The following TBATA variants were observed in gnomAD, a reference collection of about 807,000 sequenced individuals.
The protein encoded by TBATA is thymus, brain and testes associated.
A neutral mutation model predicts 38.7 loss-of-function variants in TBATA; 47 were observed. The ratio of observed to expected loss-of-function variants is 1.21; its 90% CI spans 0.96 to 1.55. The LOEUF (loss-of-function observed/expected upper bound fraction) is 1.55, where lower values mean the gene tolerates loss of function less well. Among genes scored for constraint, TBATA ranks in the 40% most tolerant of loss-of-function variants. TBATA has a pLI of 0.00. For synonymous variants in TBATA, 183 were observed against 170.5 expected, an observed-to-expected ratio of 1.07 and a Z score of -0.57; for missense variants, 436 against 435.6, an observed-to-expected ratio of 1.00 and a Z score of -0.01.
intron 4 of TBATA, among the ~76,000 whole-genome samples, chr10:70,780,515 C>A (rs1844064040): frequency 6.6e-6 from 1 of 152,046 alleles, no homozygotes; most frequent in South Asian, 2.1e-4. Flanking sequence ...GTTTTTCTCT[C>A]CGGTAGCTAC....
intron 10 of TBATA, 30 bp downstream of exon 10, chr10:70,772,484 C>T (rs753054240): frequency 6.2e-7 from 1 of 1,612,102 alleles, no homozygotes; most frequent in African/African-American, 1.3e-5. Context: ...TTGGTGAGTC[C>T]CCCAAATGAC....
At chr10:70,778,471 G>T in intron 6 of TBATA, 86 bp downstream of exon 6, 2 of 1,353,472 alleles carry the variant, frequency 1.5e-6, no homozygotes, top group East Asian at 2.3e-5. Flanking sequence ...CCTCTGGTAG[G>T]CTGAACTGAC....
intron 2 of TBATA, among the ~76,000 whole-genome samples, chr10:70,784,027 A>G (rs1276615691): frequency 1.3e-5 from 2 of 152,238 alleles, no homozygotes; most frequent in African/African-American, 4.8e-5. Context: ...TTGTTTAAAA[A>G]CATATTATTT....
At chr10:70,773,693 T>A (rs1161412474) in intron 9 of TBATA, among the ~76,000 whole-genome samples, 1 of 152,108 alleles carries the variant, frequency 6.6e-6, no homozygotes, top group Non-Finnish European at 1.5e-5. Flanking sequence ...CCTCAGTGGG[T>A]TGTTGGATGG....
chr10:70,773,723 C>T (rs979473932), intron 9 of TBATA, among the ~76,000 whole-genome samples: 16 of 152,210 alleles, frequency 1.1e-4, no homozygotes, highest in African/African-American at 3.6e-4. Flanking sequence ...ACGTGGAACA[C>T]CCAGCGGTGT....
In TBATA at chr10:70,777,229, T is replaced by C. The variant is rs1843521534; in HGVS notation, c.617A>G (p.His206Arg). 1.2e-6 allele frequency: 2 copies of C among 1,613,422 alleles called. No individual in the cohort carries two copies. Among genetic ancestry groups the C allele is most frequent in the Non-Finnish European group, 1.7e-6 (2 of 1,179,866 alleles). Residue 206 changes from histidine (H) to arginine (R), a missense_variant, in exon 7 of 11, where the codon CAC (histidine) becomes CGC (arginine). His to Arg is a conservative substitution (Grantham distance 29). Transcript: ENST00000456372. ...GGAAGACTGACTCTGCTGGCCCTGGTGAGATCTGCGGCGGCCGACAGCCCG... is the reference window on the plus strand; with the variant it reads ...GGAAGACTGACTCTGCTGGCCCTGGCGAGATCTGCGGCGGCCGACAGCCCG... ...STRAVGRRRS[H>R]QGQQSQSSSR...
At chr10:70,777,633 G>T (rs1843593492) in intron 6 of TBATA, 2 of 469,758 alleles carry the variant, frequency 4.3e-6, no homozygotes, top group Admixed American at 6.8e-5. Flanking sequence ...ACTCAGTAAT[G>T]CAGGGTCGAT....
rs746871965 is a variant in TBATA at position 70,778,487 on chromosome 10, A to C, written c.507+70T>G. The C allele has an allele frequency of 6.8e-6, 10 of 1,468,098 alleles. No individual in the cohort carries two copies. In the East Asian group the frequency reaches 2.0e-4, roughly 30 times the overall value. 90.9% of individuals were successfully genotyped at this position (1,468,098 alleles called of 1,614,324 possible). ...CTCTGGTAGGCTGAACTGACTCGGG[A>C]GGGATCTCCTTACACAGGGAAGGAT... On this transcript the variant is annotated intron_variant, in intron 6 of 10. Transcript: ENST00000456372.
At chr10:70,782,561 A>G in intron 3 of TBATA, 1 of 985,452 alleles carries the variant, frequency 1.0e-6, no homozygotes, top group Non-Finnish European at 1.2e-6. Context: ...GCCAGACCAG[A>G]CCAGCAAGTT....
chr10:70,781,679 C>A, intron 4 of TBATA, 122 bp downstream of exon 4: 1 of 973,044 alleles, frequency 1.0e-6, no homozygotes, highest in Non-Finnish European at 1.5e-6. Flanking sequence ...GCCCTGGGAT[C>A]CTGGACCCCA....
At chr10:70,780,213 G>T (rs999085738) in intron 4 of TBATA, among the ~76,000 whole-genome samples, 1 of 152,142 alleles carries the variant, frequency 6.6e-6, no homozygotes, top group Non-Finnish European at 1.5e-5. Flanking sequence ...CTTCTGCTTT[G>T]GTCAGCCTGT....
At position 70,771,297 on chromosome 10, in the gene TBATA, G is replaced by A; in HGVS notation, c.*79C>T. 6.2e-7 allele frequency: 1 copy of A among 1,613,302 alleles called. No homozygotes were observed. Among genetic ancestry groups the A allele is most frequent in the Non-Finnish European group, 8.5e-7 (1 of 1,179,446 alleles). ...TCACGGTAGGGAATCAGGTACTGCT[G>A]TGAAGGTGGTGGAGACAGAAACACC... On this transcript the variant is annotated 3_prime_UTR_variant, in exon 11 of 11. Coordinates refer to ENST00000456372, the MANE Select transcript of TBATA (RefSeq NM_001318241.2).
Position 70,783,406 on chromosome 10 carries a change from C to T in TBATA, c.-27G>A. 1 of 1,613,734 alleles carries T rather than the reference C, an allele frequency of 6.2e-7. No individual in the cohort carries two copies. The highest frequency in any genetic ancestry group is 8.5e-7 in the Non-Finnish European group (1 of 1,179,674). On this transcript the variant is annotated 5_prime_UTR_variant, in exon 3 of 11. Transcript: ENST00000456372. ...GTATGCTTTTTAACAGACTAAAGGC[C>T]AGTGCACTTAATACTAGCGTTGAGG...
chr10:70,774,121 T>C (rs1434785223), intron 9 of TBATA, 92 bp downstream of exon 9: 37 of 1,527,866 alleles, frequency 2.4e-5, no homozygotes, highest in African/African-American at 1.4e-5. Flanking sequence ...GCCCAGACCC[T>C]GGTCAGCGCC....
intron 10 of TBATA, 33 bp from the exon 11 acceptor site, chr10:70,771,494 A>C (rs766637929): frequency 6.2e-7 from 1 of 1,604,672 alleles, no homozygotes. Context: ...GCAGGAGAGG[A>C]CCGGGAAGGT....
intron 5 of TBATA, 153 bp from the exon 6 acceptor site, chr10:70,778,789 A>T: frequency 9.2e-6 from 6 of 654,958 alleles, no homozygotes; most frequent in East Asian, 6.2e-5. Context: ...TGGAGGGAGA[A>T]GGATCTGGAT....
intron 3 of TBATA, chr10:70,782,635 C>A (rs576514909): frequency 6.9e-5 from 68 of 985,400 alleles, no homozygotes; most frequent in South Asian, 1.4e-4. Flanking sequence ...GGGGCTGTGG[C>A]GCTGAGGGAA....
At chr10:70,777,083 T>C (rs1843500027) in intron 7 of TBATA, 70 bp downstream of exon 7, 3 of 1,511,698 alleles carry the variant, frequency 2.0e-6, no homozygotes, top group Non-Finnish European at 2.7e-6. Flanking sequence ...GGAGGGGCCT[T>C]GCCCTAAAGC....
intron 3 of TBATA, chr10:70,782,366 T>G: frequency 7.4e-7 from 1 of 1,355,190 alleles, no homozygotes; most frequent in East Asian, 4.4e-5. Context: ...CTCATCAAAA[T>G]ACCCAGGATG....
Sources: gnomAD v4.1 joint callset for allele counts (sites outside exome capture counted in the v4.1 genomes callset) on GRCh38, gnomAD v4.1.1 for gene constraint, MANE v1.5 for transcripts, NCBI Gene and HGNC (gene_info 2026-07-23, HGNC 2026-07-21) for gene names.